MAN1A2: variants seen among roughly 807,000 people sequenced by gnomAD.
MAN1A2 encodes mannosyl-oligosaccharide 1,2-alpha-mannosidase IB.
Under a neutral mutation model 75.7 loss-of-function variants are expected in MAN1A2, and 26 were observed. The ratio of observed to expected loss-of-function variants is 0.34; its 90% CI spans 0.25 to 0.48. The LOEUF (loss-of-function observed/expected upper bound fraction) is 0.48, where lower values mean the gene tolerates loss of function less well. Among genes scored for constraint, MAN1A2 ranks in the 20% least tolerant of loss-of-function variants. The probability of loss-of-function intolerance (pLI) is 0.99; values close to 1 mark genes in which losing one functional copy is unlikely to be tolerated. For synonymous variants in MAN1A2, 247 were observed against 264.6 expected (o/e 0.93, Z 0.65); for missense variants, 562 against 775.5 (o/e 0.72, Z 3.27).
intron 6 of MAN1A2, among the ~76,000 whole-genome samples, chr1:117,453,558 A>G (rs1444393574): frequency 1.3e-5 from 2 of 152,232 alleles, no homozygotes; most frequent in African/African-American, 4.8e-5. Flanking sequence ...AGATGGGACC[A>G]AATTACTGCA....
At chr1:117,478,082 G>T (rs1356007492) in intron 8 of MAN1A2, among the ~76,000 whole-genome samples, 1 of 152,016 alleles carries the variant, frequency 6.6e-6, no homozygotes, top group Non-Finnish European at 1.5e-5. Flanking sequence ...TACAAGGGAT[G>T]TGAAGGACCT....
intron 6 of MAN1A2, among the ~76,000 whole-genome samples, chr1:117,456,039 T>C (rs1649571646): frequency 6.6e-6 from 1 of 152,062 alleles, no homozygotes; most frequent in Non-Finnish European, 1.5e-5. Context: ...TGTAGACTAG[T>C]GTATTATCTG....
chr1:117,496,811 A>G lies in MAN1A2; in HGVS notation c.1333A>G (p.Ile445Val), dbSNP rs146102948. ...GAAGTCTCGTGGAGGTCTTACCTTT[A>G]TTGGAGAATGGAAGAATGGGCACTT... ...IKKSRGGLTFIGEWKNGHLEK... is the reference protein window; with the variant it reads ...IKKSRGGLTFVGEWKNGHLEK... The change falls in exon 10 of 13, where the codon ATT becomes GTT. Residue 445 changes from isoleucine to valine, a missense_variant. By Grantham distance (29) the Ile-to-Val change is conservative. This residue lies in a region of MAN1A2 where 434 missense variants were observed against 645.7 expected (regional missense o/e 0.67). Coordinates refer to ENST00000356554, the MANE Select transcript of MAN1A2 (RefSeq NM_006699.5). 2.5e-6 allele frequency: 4 copies of G among 1,612,462 alleles called. No homozygotes were observed. The highest frequency in any genetic ancestry group is 3.4e-6 in the Non-Finnish European group (4 of 1,179,110).
intron 5 of MAN1A2, among the ~76,000 whole-genome samples, chr1:117,439,616 C>T (rs1648963207): frequency 6.6e-6 from 1 of 151,984 alleles, no homozygotes; most frequent in East Asian, 1.9e-4. Flanking sequence ...GCCTCAGCCT[C>T]CTGAGTAGCT....
chr1:117,383,138 T>G (rs1405911624), intron 1 of MAN1A2, among the ~76,000 whole-genome samples: 3 of 152,202 alleles, frequency 2.0e-5, no homozygotes, highest in Non-Finnish European at 4.4e-5. Context: ...TTTCAGTCTT[T>G]CACCATTGAG....
intron 12 of MAN1A2, among the ~76,000 whole-genome samples, chr1:117,520,635 A>G (rs1480245121): frequency 6.6e-6 from 1 of 152,094 alleles, no homozygotes; most frequent in Non-Finnish European, 1.5e-5. Context: ...AGACCTTTAC[A>G]AGGAAGACTA....
intron 3 of MAN1A2, among the ~76,000 whole-genome samples, chr1:117,411,261 A>G (rs996723908): frequency 6.6e-6 from 1 of 151,826 alleles, no homozygotes; most frequent in Non-Finnish European, 1.5e-5. Context: ...GATCTGTGGA[A>G]AAGAATAGAA....
At chr1:117,465,699 A>G (rs1209639014) in intron 7 of MAN1A2, among the ~76,000 whole-genome samples, 1 of 152,080 alleles carries the variant, frequency 6.6e-6, no homozygotes, top group Non-Finnish European at 1.5e-5. Flanking sequence ...AGCACTTACA[A>G]AGTTCACCTA....
Position 117,528,445 on chromosome 1 carries a change from A to G in MAN1A2, c.*5488A>G, listed in dbSNP as rs74635024. 7.9e-5 allele frequency: 12 copies of G among 152,168 alleles called. No homozygotes were observed. The highest frequency in any genetic ancestry group is 2.6e-4 in the African/African-American group (11 of 41,548). The allele number at this position is 152,168 out of a possible 1,614,324, so 9.4% of individuals were successfully genotyped here. A position where few individuals can be genotyped will look rare whatever the true frequency, so the allele number is the denominator to read the frequency against. On this transcript the variant is annotated 3_prime_UTR_variant, in exon 13 of 13. Transcript: ENST00000356554. ...GTGAATGTAAGTGTGGGGATCAAAC[A>G]CACACACCTATACACATACATATTA... is the stretch of plus-strand genomic sequence containing the variant.
chr1:117,388,581 G>A (rs1653617565), intron 1 of MAN1A2, among the ~76,000 whole-genome samples: 1 of 152,132 alleles, frequency 6.6e-6, no homozygotes, highest in African/African-American at 2.4e-5. Context: ...GAGAGAGTGA[G>A]TGGGAGATGT....
chr1:117,460,599 C>A lies in MAN1A2; in HGVS notation c.1061C>A (p.Thr354Asn). Reference protein sequence around the residue: ...IHLSYLTGDLTYYKKVMHIRK... With the variant: ...IHLSYLTGDLNYYKKVMHIRK... ...CTCAGCTACTTGACAGGGGACCTGA[C>A]TTACTACAAAAAGGTTTGTTTTCTT... Residue 354 changes from threonine (T) to asparagine (N), a missense_variant, in exon 7 of 13, where the codon ACT becomes AAT. Thr to Asn is a moderately conservative substitution (Grantham distance 65). This residue lies in a region of MAN1A2 where 434 missense variants were observed against 645.7 expected (regional missense o/e 0.67). Coordinates refer to ENST00000356554, the MANE Select transcript of MAN1A2 (RefSeq NM_006699.5). 1 of 1,603,968 alleles carries A rather than the reference C, an allele frequency of 6.2e-7. No homozygotes were observed. The highest frequency in any genetic ancestry group is 8.5e-7 in the Non-Finnish European group (1 of 1,176,618).
intron 6 of MAN1A2, among the ~76,000 whole-genome samples, chr1:117,451,346 A>G (rs73018157): frequency 0.02 from 2,976 of 152,296 alleles, 32 homozygotes; most frequent in East Asian, 0.054. Context: ...TAAAGTAACT[A>G]ACTTGATTTT....
At chr1:117,403,419 G>A (rs1647507425) in intron 2 of MAN1A2, among the ~76,000 whole-genome samples, 1 of 152,128 alleles carries the variant, frequency 6.6e-6, no homozygotes, top group Non-Finnish European at 1.5e-5. Context: ...GGGAGAGACA[G>A]TGATAGATTT....
rs369517347 is a variant in MAN1A2 at position 117,405,522 on chromosome 1, G to A, written c.559-27G>A. ...AAACAGTTTGTGAAAAATTTAAATT[G>A]ATGGATTATAATTTTTCTCTTTTCA... On this transcript the variant is annotated intron_variant, in intron 2 of 12. Coordinates refer to ENST00000356554, the MANE Select transcript of MAN1A2 (RefSeq NM_006699.5). 8 of 1,366,674 alleles carry A rather than the reference G, an allele frequency of 5.9e-6. No individual in the cohort carries two copies. The African/African-American group carries it at 1.1e-4, about 20-fold the overall frequency. The allele number at this position is 1,366,674 out of a possible 1,614,324, so 84.7% of individuals were successfully genotyped here. A position where few individuals can be genotyped will look rare whatever the true frequency, so the allele number is the denominator to read the frequency against.
chr1:117,392,248 A>G (rs182020019), intron 1 of MAN1A2, among the ~76,000 whole-genome samples: 5 of 152,078 alleles, frequency 3.3e-5, no homozygotes, highest in Admixed American at 2.6e-4. Context: ...CTTCCTTGCT[A>G]TAGTATATTG....
At chr1:117,368,640 G>C (rs1652851528) in intron 1 of MAN1A2, among the ~76,000 whole-genome samples, 155 bp downstream of exon 1, 1 of 151,790 alleles carries the variant, frequency 6.6e-6, no homozygotes, top group Non-Finnish European at 1.5e-5. Context: ...TAAAACCATA[G>C]ACTGGAGGGA....
Position 117,400,066 on chromosome 1 carries a change from A to G in MAN1A2, c.303-2120A>G, listed in dbSNP as rs10923282. Among the ~76,000 whole-genome samples the G allele has an allele frequency of 7.9e-3, 1,197 of 152,214 alleles. 11 individuals carry two copies. The highest frequency in any genetic ancestry group is 0.027 in the African/African-American group (1,124 of 41,524). On this transcript the variant is annotated intron_variant, in intron 1 of 12. Coordinates refer to ENST00000356554, the MANE Select transcript of MAN1A2 (RefSeq NM_006699.5). Reference sequence around the variant, plus strand: ...TTATATAAGACTTCAGTCAGCACCTATGTGCTGATGATGCCCTTGTCTGCC... The same window carrying G: ...TTATATAAGACTTCAGTCAGCACCTGTGTGCTGATGATGCCCTTGTCTGCC...
chr1:117,424,291 T>G (rs1482993718), intron 5 of MAN1A2, among the ~76,000 whole-genome samples: 1 of 152,166 alleles, frequency 6.6e-6, no homozygotes. Flanking sequence ...TACTACAAAG[T>G]TGAATAGTAA....
intron 1 of MAN1A2, among the ~76,000 whole-genome samples, chr1:117,387,019 G>T (rs1372856485): frequency 2.0e-5 from 3 of 151,802 alleles, no homozygotes; most frequent in African/African-American, 4.8e-5. Flanking sequence ...AATATATAAA[G>T]AACTCCTACA....
Sources: gnomAD v4.1 joint callset for allele counts (sites outside exome capture counted in the v4.1 genomes callset) on GRCh38, gnomAD v4.1.1 for gene constraint, gnomAD v4.1.1 regional missense constraint, MANE v1.5 for transcripts, NCBI Gene and HGNC (gene_info 2026-07-23, HGNC 2026-07-21) for gene names.